The following MMAA variants were observed in gnomAD, a reference collection of about 807,000 sequenced individuals.
MMAA encodes the protein methylmalonic aciduria type A protein, mitochondrial.
Under a neutral mutation model 45.0 loss-of-function variants are expected in MMAA, and 41 were observed. The ratio of observed to expected loss-of-function variants is 0.91; its 90% CI spans 0.71 to 1.18. The LOEUF is 1.18. Ranked by LOEUF, MMAA falls within the 50% of genes most tolerant of loss-of-function variation. MMAA has a pLI of 0.00. For synonymous variants in MMAA, 154 were observed against 178.2 expected (o/e 0.86, Z 1.08); for missense variants, 460 against 495.7 (o/e 0.93, Z 0.68).
chr4:145,637,424 C>T (rs954932599), intron 1 of MMAA, among the ~76,000 whole-genome samples: 4 of 152,024 alleles, frequency 2.6e-5, no homozygotes, highest in African/African-American at 7.2e-5. Context: ...TAATTTTGTA[C>T]AAATAGACAT....
At chr4:145,624,663 T>C (rs575409162) in intron 1 of MMAA, 1 of 1,458,984 alleles carries the variant, frequency 6.9e-7, no homozygotes, top group Admixed American at 1.9e-5. Context: ...GGAATCTTTA[T>C]GTTTCTCAGG....
chr4:145,624,453 T>C, intron 1 of MMAA: 1 of 833,048 alleles, frequency 1.2e-6, no homozygotes, highest in Non-Finnish European at 2.0e-6. Flanking sequence ...TTTGCCAGCT[T>C]TGTCTTCAGT....
chr4:145,645,280 G>A (rs989483882), intron 3 of MMAA, among the ~76,000 whole-genome samples: 2 of 152,208 alleles, frequency 1.3e-5, no homozygotes, highest in Admixed American at 6.5e-5. Flanking sequence ...TTGCAGAGCT[G>A]TTGTACCTTA....
rs773779122 is a variant in MMAA at position 145,639,292 on chromosome 4, T to G, written c.153T>G (p.Cys51Trp). The G allele has an allele frequency of 6.2e-7, 1 of 1,614,218 alleles. No homozygotes were observed. The highest frequency in any genetic ancestry group is 1.7e-5 in the Admixed American group (1 of 60,028). Residue 51 changes from cysteine to tryptophan, a missense_variant, in exon 2 of 7, where the codon TGT (cysteine) becomes TGG (tryptophan). Transcript: ENST00000649156. ...CGTTTAATTCTCTTGGACTCCATTGTACAAAGTGGATGCTGCTGTCAGATG... is the reference window on the plus strand; with the variant it reads ...CGTTTAATTCTCTTGGACTCCATTGGACAAAGTGGATGCTGCTGTCAGATG... ...AQPFNSLGLH[C>W]TKWMLLSDGL... is the part of the protein sequence containing the mutation.
At chr4:145,634,530 G>A (rs1424717705) in intron 1 of MMAA, among the ~76,000 whole-genome samples, 4 of 151,952 alleles carry the variant, frequency 2.6e-5, no homozygotes, top group African/African-American at 7.3e-5. Context: ...CTGGGGACCC[G>A]AAGAGCCCAT....
intron 2 of MMAA, 78 bp downstream of exon 2, chr4:145,639,656 A>G (rs1727728517): frequency 3.3e-6 from 5 of 1,511,046 alleles, no homozygotes; most frequent in Non-Finnish European, 3.5e-6. Flanking sequence ...AAAAGTCTAA[A>G]TAGTTTGCAA....
rs1728284946 is a variant in MMAA at position 145,658,168 on chromosome 4, C to T, written c.*2734C>T. ...CTAGAAGCTGAGCAGATGCCAGCAC[C>T]ATGCTTCCTGTAGTCTGTAGAACCA... On this transcript the variant is annotated 3_prime_UTR_variant, in exon 7 of 7. Coordinates refer to ENST00000649156, the MANE Select transcript of MMAA (RefSeq NM_172250.3). 1 of 152,552 alleles carries T rather than the reference C, an allele frequency of 6.6e-6. No homozygotes were observed. 9.4% of individuals were successfully genotyped at this position (152,552 alleles called of 1,614,324 possible).
At chr4:145,633,092 A>G (rs1727500709) in intron 1 of MMAA, among the ~76,000 whole-genome samples, 1 of 150,512 alleles carries the variant, frequency 6.6e-6, no homozygotes, top group African/African-American at 2.5e-5. Flanking sequence ...CTGTCTTAGG[A>G]GACTCTGATG....
At chr4:145,627,327 G>A (rs1309224883) in intron 1 of MMAA, among the ~76,000 whole-genome samples, 1 of 152,140 alleles carries the variant, frequency 6.6e-6, no homozygotes, top group African/African-American at 2.4e-5. Context: ...AAGGTGTCTT[G>A]ATTCAAAACA....
At chr4:145,630,553 ACC>A (rs1375456139) in intron 1 of MMAA, among the ~76,000 whole-genome samples, 3 of 151,920 alleles carry the variant, frequency 2.0e-5, no homozygotes, top group Admixed American at 2.0e-4. Flanking sequence ...ACATGGAGAA[ACC>A]CCATCTCTAC....
intron 1 of MMAA, chr4:145,625,842 C>T (rs1157914953): frequency 2.4e-6 from 3 of 1,265,238 alleles, no homozygotes; most frequent in Non-Finnish European, 3.5e-6. Flanking sequence ...CACCTCATGG[C>T]TTCTAAGACG....
chr4:145,655,191 G>A lies in MMAA; in HGVS notation c.1014G>A (p.Met338Ile). ...GAAGTGGAGAGGGGATCTCTGAAAT[G>A]TGGGATAAAATGAAAGATTTCCAGG... Reference protein sequence around the residue: ...SARSGEGISEMWDKMKDFQDL... With the variant: ...SARSGEGISEIWDKMKDFQDL... Residue 338 changes from methionine (M) to isoleucine (I), a missense_variant, in exon 7 of 7, where the codon ATG becomes ATA. Physicochemically the swap from Met to Ile is conservative, Grantham distance 10. Coordinates refer to ENST00000649156, the MANE Select transcript of MMAA (RefSeq NM_172250.3). 6.2e-7 allele frequency: 1 copy of A among 1,614,164 alleles called. No homozygotes were observed. Among genetic ancestry groups the A allele is most frequent in the Non-Finnish European group, 8.5e-7 (1 of 1,180,018 alleles).
chr4:145,635,156 C>T (rs531939361), intron 1 of MMAA, among the ~76,000 whole-genome samples: 1 of 152,216 alleles, frequency 6.6e-6, no homozygotes, highest in African/African-American at 2.4e-5. Flanking sequence ...AGTTGCAGTC[C>T]TTGTGGCCTA....
At position 145,654,971 on chromosome 4, in the gene MMAA, G is replaced by A. The variant is rs1182254094; in HGVS notation, c.970-176G>A. Among the ~76,000 whole-genome samples, 3 of 152,082 alleles carry A rather than the reference G, an allele frequency of 2.0e-5. No individual in the cohort carries two copies. The East Asian group carries it at 5.8e-4, about 29-fold the overall frequency. On this transcript the variant is annotated intron_variant, in intron 6 of 6. Coordinates refer to ENST00000649156, the MANE Select transcript of MMAA (RefSeq NM_172250.3). ...TCTGCTATGCACTTAGTAATCCTAG[G>A]TATATTACCTCAGAATATATATTGG...
At position 145,655,370 on chromosome 4, in the gene MMAA, T is replaced by C. The variant is rs777459994; in HGVS notation, c.1193T>C (p.Ile398Thr). The part of the protein sequence containing the change: ...QIPLLEQKVL[I>T]GALSPGLAAD... ...CCACTTCTGGAACAAAAGGTTCTCA[T>C]TGGGGCCCTGTCCCCAGGACTAGCA... Residue 398 changes from isoleucine to threonine, a missense_variant, in exon 7 of 7, where the codon ATT becomes ACT. By Grantham distance (89) the Ile-to-Thr change is moderately conservative (BLOSUM62 -1). Coordinates refer to ENST00000649156, the MANE Select transcript of MMAA (RefSeq NM_172250.3). 8.7e-5 allele frequency: 140 copies of C among 1,614,116 alleles called. 1 individual carries two copies. Among genetic ancestry groups the C allele is most frequent in the Non-Finnish European group, 9.8e-5 (116 of 1,180,044 alleles).
chr4:145,639,173 T>G lies in MMAA; in HGVS notation c.34T>G (p.Phe12Val), dbSNP rs757224297. Residue 12 changes from phenylalanine (F) to valine (V), a missense_variant, in exon 2 of 7, where the codon TTC becomes GTC. Transcript: ENST00000649156. ...GCTGCTACCACATCCTCACCAGCAT[T>G]TCCTAAAAGGCCTTTTAAGAGCACC... ...PMLLPHPHQH[F>V]LKGLLRAPFR... The G allele has an allele frequency of 1.2e-6, 2 of 1,614,194 alleles. No individual in the cohort carries two copies. The highest frequency in any genetic ancestry group is 3.3e-5 in the Admixed American group (2 of 60,030).
chr4:145,651,284 T>C, intron 5 of MMAA, 137 bp downstream of exon 5: 2 of 754,082 alleles, frequency 2.7e-6, no homozygotes. Context: ...CTAAAATACC[T>C]GAATCAAAGG....
intron 1 of MMAA, among the ~76,000 whole-genome samples, chr4:145,638,072 T>TA (rs974939054): frequency 2.0e-5 from 3 of 152,180 alleles, no homozygotes; most frequent in Non-Finnish European, 4.4e-5. Context: ...TATATCATCA[T>TA]AAAAAAGATC....
Position 145,629,710 on chromosome 4 carries a change from G to A in MMAA, c.-65-9365G>A, listed in dbSNP as rs368212061. Reference sequence around the variant, plus strand: ...GCTGGGGAGGCTTCACAGTCATGGCGGAAGGCAAGAAGGAGCAAGTCCCAT... The same window carrying A: ...GCTGGGGAGGCTTCACAGTCATGGCAGAAGGCAAGAAGGAGCAAGTCCCAT... On this transcript the variant is annotated intron_variant, in intron 1 of 6. Coordinates refer to ENST00000649156, the MANE Select transcript of MMAA (RefSeq NM_172250.3). 3.2e-4 allele frequency among the ~76,000 whole-genome samples: 48 copies of A among 152,276 alleles called. 1 individual carries two copies. The highest frequency in any genetic ancestry group is 9.7e-4 in the East Asian group (5 of 5,172).
Sources: gnomAD v4.1 joint callset for allele counts (sites outside exome capture counted in the v4.1 genomes callset) on GRCh38, gnomAD v4.1.1 for gene constraint, MANE v1.5 for transcripts, NCBI Gene and HGNC (gene_info 2026-07-23, HGNC 2026-07-21) for gene names.